Variants in ARK2C observed in about 807,000 individuals in gnomAD.
ARK2C encodes the protein arkadia (RNF111) C-terminal like ring finger ubiquitin ligase 2C, also known as E3 ubiquitin-protein ligase ARK2C.
At chr18:46,376,586 T>G in the ARK2C span, among the ~76,000 whole-genome samples, 1 of 151,996 alleles carries the variant, frequency 6.6e-6, no homozygotes, top group Admixed American at 6.6e-5. Flanking sequence ...ATTATGCCCC[T>G]GTGACTTGGA....
At chr18:46,399,742 C>T in the ARK2C span, among the ~76,000 whole-genome samples, 20 of 152,262 alleles carry the variant, frequency 1.3e-4, no homozygotes, top group East Asian at 3.1e-3. Flanking sequence ...GGACAGTGTC[C>T]GGCCCGAGGC....
chr18:46,429,794 A>G, the ARK2C span, among the ~76,000 whole-genome samples: 1 of 151,692 alleles, frequency 6.6e-6, no homozygotes, highest in Non-Finnish European at 1.5e-5. Flanking sequence ...TTTTATTGAG[A>G]TGGGGTCTTG....
the ARK2C span, among the ~76,000 whole-genome samples, chr18:46,381,011 C>T: frequency 6.6e-6 from 1 of 152,210 alleles, no homozygotes; most frequent in African/African-American, 2.4e-5. Context: ...GGAACGCATG[C>T]CTCATGTCCT....
chr18:46,429,956 T>A, the ARK2C span, among the ~76,000 whole-genome samples: 3 of 152,038 alleles, frequency 2.0e-5, no homozygotes, highest in Admixed American at 2.0e-4. Flanking sequence ...AGTCCCATTG[T>A]TTCCAGTCCC....
chr18:46,453,149 A>G, the ARK2C span, among the ~76,000 whole-genome samples: 7 of 152,190 alleles, frequency 4.6e-5, no homozygotes, highest in Non-Finnish European at 7.3e-5. Context: ...TTATTCGTAA[A>G]TGATTTCAAC....
At chr18:46,357,971 G>A in the ARK2C span, among the ~76,000 whole-genome samples, 5 of 152,104 alleles carry the variant, frequency 3.3e-5, no homozygotes, top group African/African-American at 4.8e-5. Context: ...TCCAGTCTCC[G>A]CCTCTGTTGT....
the ARK2C span, chr18:46,337,544 G>A: frequency 1.0e-6 from 1 of 985,316 alleles, no homozygotes. Context: ...GAAGCATGGT[G>A]GGCCCAGCCT....
At chr18:46,462,799 CT>C in the ARK2C span, 1 of 152,454 alleles carries the variant, frequency 6.6e-6, no homozygotes, top group African/African-American at 2.4e-5. Context: ...CACTCCACCC[CT>C]GGCCTCGGAT....
At chr18:46,444,525 T>TCCA in the ARK2C span, among the ~76,000 whole-genome samples, 1 of 152,154 alleles carries the variant, frequency 6.6e-6, no homozygotes, top group Non-Finnish European at 1.5e-5. Flanking sequence ...AGTGCAGTGG[T>TCCA]GGCATCACAG....
At chr18:46,357,685 G>A in the ARK2C span, among the ~76,000 whole-genome samples, 9 of 152,324 alleles carry the variant, frequency 5.9e-5, no homozygotes, top group East Asian at 1.5e-3. Flanking sequence ...CAGATGCCTG[G>A]GAGTCACCCT....
chr18:46,400,441 G>A, the ARK2C span, among the ~76,000 whole-genome samples: 2 of 152,188 alleles, frequency 1.3e-5, no homozygotes, highest in Non-Finnish European at 2.9e-5. Flanking sequence ...TGCCATTATG[G>A]CCCCTGTCAC....
At chr18:46,384,903 C>T in the ARK2C span, among the ~76,000 whole-genome samples, 1 of 152,154 alleles carries the variant, frequency 6.6e-6, no homozygotes, top group Non-Finnish European at 1.5e-5. Context: ...AGAAAATGTC[C>T]TGCCTTTTCC....
the ARK2C span, among the ~76,000 whole-genome samples, chr18:46,412,179 T>G: frequency 6.6e-6 from 1 of 152,214 alleles, no homozygotes; most frequent in African/African-American, 2.4e-5. Flanking sequence ...AACCCCATTC[T>G]TCAAAATCAG....
chr18:46,396,826 C>G, the ARK2C span, among the ~76,000 whole-genome samples: 1 of 152,300 alleles, frequency 6.6e-6, no homozygotes, highest in Admixed American at 6.5e-5. Context: ...GTGGTGGGGC[C>G]CTGTCTCTGG....
At chr18:46,450,514 G>T in the ARK2C span, 1 of 897,182 alleles carries the variant, frequency 1.1e-6, no homozygotes, top group East Asian at 2.5e-5. Context: ...GGAAGCTTCA[G>T]GGTTAAGAGT....
the ARK2C span, among the ~76,000 whole-genome samples, chr18:46,370,885 G>A: frequency 6.6e-6 from 1 of 152,286 alleles, no homozygotes; most frequent in Non-Finnish European, 1.5e-5. Context: ...TGGGAATCAG[G>A]TACACGAAAA....
At chr18:46,414,906 C>T in the ARK2C span, among the ~76,000 whole-genome samples, 17,422 of 152,232 alleles carry the variant, frequency 0.11, 1,202 homozygotes, top group East Asian at 0.28. Flanking sequence ...GGAGCGTGCA[C>T]TTCCACCCAG....
the ARK2C span, among the ~76,000 whole-genome samples, chr18:46,374,126 C>T: frequency 1.3e-5 from 2 of 152,218 alleles, no homozygotes; most frequent in African/African-American, 4.8e-5. Flanking sequence ...GGAAACTTCT[C>T]ACACACGAGA....
chr18:46,408,652 G>A, the ARK2C span, among the ~76,000 whole-genome samples: 1 of 152,334 alleles, frequency 6.6e-6, no homozygotes, highest in East Asian at 1.9e-4. Context: ...TTGGGGGCTG[G>A]AGTTAATTAG....
Sources: gnomAD v4.1 joint callset for allele counts (sites outside exome capture counted in the v4.1 genomes callset) on GRCh38, gnomAD v4.1.1 for gene constraint, MANE v1.5 for transcripts, NCBI Gene and HGNC (gene_info 2026-07-23, HGNC 2026-07-21) for gene names.